Variants in TIMM13 observed in about 807,000 individuals in gnomAD.
TIMM13 encodes mitochondrial import inner membrane translocase subunit Tim13.
A neutral mutation model predicts 10.9 loss-of-function variants in TIMM13; 8 were observed. The observed-to-expected ratio is 0.73, with a 90% confidence interval of 0.43 to 1.32. The LOEUF (loss-of-function observed/expected upper bound fraction) is 1.32, where lower values mean the gene tolerates loss of function less well. Ranked by LOEUF, TIMM13 falls within the 40% of genes most tolerant of loss-of-function variation. TIMM13 has a pLI of 0.01. For missense variants in TIMM13, 147 were observed against 132.8 expected (o/e 1.11, Z -0.53); for synonymous variants, 68 against 52.5 (o/e 1.30, Z -1.28).
chr19:2,425,661 G>GT lies in TIMM13; in HGVS notation c.*1286dup. On this transcript the variant is annotated 3_prime_UTR_variant, in exon 3 of 3. Transcript: ENST00000215570. ...CTGGAGGAATTTCCACTCCACAGCCGTTTATTGGGCAACCCACCGCATCCC... is the reference window on the plus strand; with the variant it reads ...CTGGAGGAATTTCCACTCCACAGCCGTTTTATTGGGCAACCCACCGCATCCC... 7.6e-7 allele frequency: 1 copy of GT among 1,317,588 alleles called. No homozygotes were observed. The allele number at this position is 1,317,588 out of a possible 1,614,324, so 81.6% of individuals were successfully genotyped here.
At position 2,425,794 on chromosome 19, in the gene TIMM13, G is replaced by C. The variant is rs1395352232; in HGVS notation, c.*1154C>G. The C allele has an allele frequency of 6.0e-6, 8 of 1,335,690 alleles. No individual in the cohort carries two copies. In the African/African-American group the frequency reaches 1.2e-4, roughly 20 times the overall value. The allele number at this position is 1,335,690 out of a possible 1,614,324, so 82.7% of individuals were successfully genotyped here. ...TAAATGTCTGCCACCTTTGCATTGA[G>C]CCCATTTTCCAGATAGTGAAAATGC... is the stretch of plus-strand genomic sequence containing the variant. On this transcript the variant is annotated 3_prime_UTR_variant, in exon 3 of 3. Transcript: ENST00000215570.
chr19:2,425,953 C>T lies in TIMM13; in HGVS notation c.*995G>A, dbSNP rs1718967752. On this transcript the variant is annotated 3_prime_UTR_variant, in exon 3 of 3. Coordinates refer to ENST00000215570, the MANE Select transcript of TIMM13 (RefSeq NM_012458.4). ...GTGACGCTGGGGGACCCCTGGCCTG[C>T]AGGGAGCCCTCTGGACGGTGGGTGC... 2.5e-6 allele frequency: 4 copies of T among 1,602,456 alleles called. No homozygotes were observed. The highest frequency in any genetic ancestry group is 3.4e-6 in the Non-Finnish European group (4 of 1,176,354).
chr19:2,426,931 T>C lies in TIMM13; in HGVS notation c.*17A>G. On this transcript the variant is annotated 3_prime_UTR_variant, in exon 3 of 3. Coordinates refer to ENST00000215570, the MANE Select transcript of TIMM13 (RefSeq NM_012458.4). ...GTTTATGGAAATGAACAGGGTGGGG[T>C]GGCCCGCGCTCGCCGGTCACATGTT... 6.4e-7 allele frequency: 1 copy of C among 1,566,862 alleles called. No homozygotes were observed. The highest frequency in any genetic ancestry group is 1.2e-5 in the South Asian group (1 of 86,044).
In TIMM13 at chr19:2,427,019, AGC is replaced by A; in HGVS notation, c.215_216del (p.Arg72LeufsTer111). ...GACACGGTGTTCCAGGCGTCCATGT[AGC>A]GGTCCATGCACATGGCGATGCACTT... is the stretch of plus-strand genomic sequence containing the variant. ...EQKCIAMCMD[R>X]YMDAWNTVSR... On this transcript the variant is annotated frameshift_variant, in exon 3 of 3. Transcript: ENST00000215570. LOFTEE classifies it high-confidence loss of function. The A allele has an allele frequency of 6.2e-7, 1 of 1,609,418 alleles. No individual in the cohort carries two copies. Among genetic ancestry groups the A allele is most frequent in the Non-Finnish European group, 8.5e-7 (1 of 1,178,656 alleles).
chr19:2,426,056 A>G lies in TIMM13; in HGVS notation c.*892T>C, dbSNP rs200394615. On this transcript the variant is annotated 3_prime_UTR_variant, in exon 3 of 3. Coordinates refer to ENST00000215570, the MANE Select transcript of TIMM13 (RefSeq NM_012458.4). ...TGTCTATACCCGGGTGGCAGCTGTG[A>G]GAGGCTGGATAGGACAGCACATCCA... The G allele has an allele frequency of 2.2e-4, 361 of 1,609,492 alleles. 5 individuals carry two copies. The East Asian group carries it at 5.1e-3, about 23-fold the overall frequency.
In TIMM13 at chr19:2,426,233, G is replaced by A; in HGVS notation, c.*715C>T. 3.3e-6 allele frequency: 3 copies of A among 921,634 alleles called. No individual in the cohort carries two copies. The highest frequency in any genetic ancestry group is 4.7e-6 in the Non-Finnish European group (3 of 639,830). The allele number at this position is 921,634 out of a possible 1,614,324, so 57.1% of individuals were successfully genotyped here. The stretch of plus-strand genomic sequence containing the variant: ...GGGATGCATTTTGGTACCACCCTTT[G>A]TTCCAATAAACACAGCCCCTCCACC... On this transcript the variant is annotated 3_prime_UTR_variant, in exon 3 of 3. Coordinates refer to ENST00000215570, the MANE Select transcript of TIMM13 (RefSeq NM_012458.4).
Position 2,426,711 on chromosome 19 carries a change from G to T in TIMM13, c.*237C>A, listed in dbSNP as rs1176724249. 5.0e-6 allele frequency: 3 copies of T among 595,956 alleles called. No homozygotes were observed. In the African/African-American group the frequency reaches 5.6e-5, roughly 11 times the overall value. 36.9% of individuals were successfully genotyped at this position (595,956 alleles called of 1,614,324 possible). On this transcript the variant is annotated 3_prime_UTR_variant, in exon 3 of 3. Coordinates refer to ENST00000215570, the MANE Select transcript of TIMM13 (RefSeq NM_012458.4). ...CACTAGGGGAATACCCCAAAGGCCTGAAGGAGGTGCCACTGGGCTGCCAGC... is the reference window on the plus strand; with the variant it reads ...CACTAGGGGAATACCCCAAAGGCCTTAAGGAGGTGCCACTGGGCTGCCAGC...
rs1347852377 is a variant in TIMM13, at chr19:2,426,053, G to T, written c.*895C>A. The T allele has an allele frequency of 1.2e-6, 2 of 1,609,708 alleles. No individual in the cohort carries two copies. The highest frequency in any genetic ancestry group is 1.3e-5 in the African/African-American group (1 of 74,620). On this transcript the variant is annotated 3_prime_UTR_variant, in exon 3 of 3. Coordinates refer to ENST00000215570, the MANE Select transcript of TIMM13 (RefSeq NM_012458.4). ...AGGTGTCTATACCCGGGTGGCAGCT[G>T]TGAGAGGCTGGATAGGACAGCACAT...
At chr19:2,427,136 G>C (rs1971657959) in intron 2 of TIMM13, 90 bp from the exon 3 acceptor site, 3 of 1,567,012 alleles carry the variant, frequency 1.9e-6, no homozygotes, top group East Asian at 2.3e-5. Flanking sequence ...CCGGGCTGCA[G>C]ACTACGCACG....
Position 2,426,568 on chromosome 19 carries a change from G to A in TIMM13, c.*380C>T, listed in dbSNP as rs1050701811. ...GAGGGAAATAAAGAGGTTTCTCTCC[G>A]TCCTCCACCAATTTATTTGCCCATC... On this transcript the variant is annotated 3_prime_UTR_variant, in exon 3 of 3. Coordinates refer to ENST00000215570, the MANE Select transcript of TIMM13 (RefSeq NM_012458.4). 1.7e-5 allele frequency: 6 copies of A among 343,498 alleles called. No individual in the cohort carries two copies. The highest frequency in any genetic ancestry group is 4.5e-5 in the Admixed American group (1 of 22,334). 21.3% of individuals were successfully genotyped at this position (343,498 alleles called of 1,614,324 possible). A position where few individuals can be genotyped will look rare whatever the true frequency, so the allele number is the denominator to read the frequency against.
Sources: allele counts gnomAD v4.1 joint callset, GRCh38; gene constraint gnomAD v4.1.1; transcripts MANE v1.5; gene names NCBI Gene and HGNC (gene_info 2026-07-23, HGNC 2026-07-21).